The following CALCR variants were observed in gnomAD, a reference collection of about 807,000 sequenced individuals.
CALCR encodes calcitonin receptor.
In CALCR, 47 loss-of-function variants were observed where a neutral mutation model predicts 59.5. The observed-to-expected ratio is 0.79, with a 90% CI of 0.63 to 1.01. The LOEUF (loss-of-function observed/expected upper bound fraction) is 1.01, where lower values mean the gene tolerates loss of function less well. Among genes scored for constraint, CALCR ranks in the 50% least tolerant of loss-of-function variants. The pLI is 0.00. For missense variants in CALCR, 566 were observed against 597.1 expected, an observed-to-expected ratio of 0.95 and a Z score of 0.54; for synonymous variants, 213 against 211.3, an observed-to-expected ratio of 1.01 and a Z score of -0.07.
At chr7:93,431,915 A>G (rs2283004) in intron 13 of CALCR, among the ~76,000 whole-genome samples, 32,989 of 152,074 alleles carry the variant, frequency 0.22, 3,999 homozygotes, top group East Asian at 0.39. Context: ...TATAGCTGCA[A>G]TCATCTTTTT....
At chr7:93,444,313 G>A (rs762350941) in intron 8 of CALCR, among the ~76,000 whole-genome samples, 3 of 152,022 alleles carry the variant, frequency 2.0e-5, no homozygotes, top group Non-Finnish European at 2.9e-5. Flanking sequence ...GGGATCAAGC[G>A]CTCTCTGGGC....
In CALCR at chr7:93,499,226, A is replaced by T. The variant is rs532975261; in HGVS notation, c.-26-12219T>A. Among the ~76,000 whole-genome samples the T allele has an allele frequency of 2.0e-5, 3 of 151,874 alleles. No homozygotes were observed. The East Asian group carries it at 5.8e-4, about 30-fold the overall frequency. On this transcript the variant is annotated intron_variant, in intron 2 of 13. Transcript: ENST00000426151. The stretch of plus-strand genomic sequence containing the variant: ...ACATTGTAATAGAAAATAAACTAAA[A>T]CAGAATTTCCACATTGGTTTTACAA...
intron 2 of CALCR, among the ~76,000 whole-genome samples, chr7:93,542,700 TTTTA>T (rs71107895): frequency 6.6e-6 from 1 of 151,708 alleles, no homozygotes; most frequent in Admixed American, 6.6e-5. Context: ...TACAAAAATA[TTTTA>T]TTTCTTTTAT....
rs139271936 is a variant in CALCR at position 93,426,481 on chromosome 7, C to A, written c.1300G>T (p.Glu434Ter). 4 of 1,613,576 alleles carry A rather than the reference C, an allele frequency of 2.5e-6. No individual in the cohort carries two copies. In the African/African-American group the frequency reaches 4.0e-5, roughly 16 times the overall value. ...RSARAAAAAA[E>*]AGDIPIYICH... The stretch of plus-strand genomic sequence containing the variant: ...ATGTAAATTGGGATGTCGCCAGCCT[C>A]CGCAGCAGCGGCTGCAGCGCGAGCA... Residue 434 changes from glutamate to a stop codon, truncating the protein, a stop_gained, in exon 14 of 14, where the codon GAG becomes TAG. Coordinates refer to ENST00000426151, the MANE Select transcript of CALCR (RefSeq NM_001742.4). LOFTEE classifies it high-confidence loss of function.
rs1320446931 is a variant in CALCR at position 93,425,888 on chromosome 7, T to TAACA, written c.*464_*467dup. The TAACA allele has an allele frequency of 6.5e-6, 1 of 153,636 alleles. No homozygotes were observed. Among genetic ancestry groups the TAACA allele is most frequent in the East Asian group, 1.9e-4 (1 of 5,222 alleles). 9.5% of individuals were successfully genotyped at this position (153,636 alleles called of 1,614,324 possible). A position where few individuals can be genotyped will look rare whatever the true frequency, so the allele number is the denominator to read the frequency against. ...TTGTAAGGATGGTAAAACATCTCAG[T>TAACA]AACATCAGAATTGACTGAAATTTAA... On this transcript the variant is annotated 3_prime_UTR_variant, in exon 14 of 14. Coordinates refer to ENST00000426151, the MANE Select transcript of CALCR (RefSeq NM_001742.4).
chr7:93,475,183 A>G (rs1258321662), intron 5 of CALCR, among the ~76,000 whole-genome samples: 1 of 151,800 alleles, frequency 6.6e-6, no homozygotes, highest in East Asian at 1.9e-4. Context: ...CAGGTTATAG[A>G]GTTATTTGTA....
intron 5 of CALCR, 56 bp from the exon 6 acceptor site, chr7:93,472,543 A>T: frequency 2.0e-6 from 2 of 1,021,616 alleles, no homozygotes; most frequent in Non-Finnish European, 3.1e-6. Flanking sequence ...CAACAAGGAA[A>T]AATAATAAAT....
At chr7:93,463,287 A>C (rs1316923082) in intron 7 of CALCR, among the ~76,000 whole-genome samples, 1 of 151,876 alleles carries the variant, frequency 6.6e-6, no homozygotes, top group African/African-American at 2.4e-5. Context: ...TATAAAGAGT[A>C]CTGTATCTCT....
chr7:93,453,914 A>C (rs1584547482), intron 8 of CALCR, among the ~76,000 whole-genome samples: 1 of 152,102 alleles, frequency 6.6e-6, no homozygotes, highest in Non-Finnish European at 1.5e-5. Context: ...GTTTTGACAT[A>C]TAAGTAAACT....
intron 3 of CALCR, chr7:93,483,833 A>G: frequency 2.9e-6 from 1 of 348,036 alleles, no homozygotes; most frequent in Non-Finnish European, 6.3e-6. Context: ...TTAAGGGCAT[A>G]TTGTTTTTCT....
intron 2 of CALCR, among the ~76,000 whole-genome samples, chr7:93,555,085 T>A (rs1053921394): frequency 6.6e-6 from 1 of 151,988 alleles, no homozygotes; most frequent in African/African-American, 2.4e-5. Context: ...TTACAGGGAA[T>A]TGCTAGGTTC....
intron 9 of CALCR, among the ~76,000 whole-genome samples, chr7:93,443,096 G>A (rs1395871091): frequency 6.6e-6 from 1 of 152,096 alleles, no homozygotes; most frequent in Non-Finnish European, 1.5e-5. Context: ...GCTCTACTTG[G>A]AAGCCCGTGT....
chr7:93,488,494 G>T (rs540367429), intron 2 of CALCR, among the ~76,000 whole-genome samples: 1 of 146,324 alleles, frequency 6.8e-6, no homozygotes, highest in East Asian at 2.1e-4. Context: ...CCATTGATGT[G>T]CTATATTCAG....
intron 8 of CALCR, among the ~76,000 whole-genome samples, chr7:93,460,399 C>T (rs1311215908): frequency 6.7e-6 from 1 of 150,286 alleles, no homozygotes; most frequent in Non-Finnish European, 1.5e-5. Context: ...ACTAAAAATA[C>T]AAAAAAATTA....
chr7:93,571,788 AATG>A (rs1346127343), intron 2 of CALCR, among the ~76,000 whole-genome samples: 1 of 152,188 alleles, frequency 6.6e-6, no homozygotes, highest in Non-Finnish European at 1.5e-5. Context: ...TACATAAAAT[AATG>A]ATAATAGCTT....
chr7:93,515,699 A>G (rs572862460), intron 2 of CALCR, among the ~76,000 whole-genome samples: 9 of 152,114 alleles, frequency 5.9e-5, no homozygotes, highest in Admixed American at 1.3e-4. Flanking sequence ...AGTCATGACA[A>G]AGCTGTCTGT....
chr7:93,475,566 G>A lies in CALCR; in HGVS notation c.316+1992C>T, dbSNP rs748862164. Among the ~76,000 whole-genome samples the A allele has an allele frequency of 5.3e-5, 8 of 151,296 alleles. No homozygotes were observed. In the South Asian group the frequency reaches 6.2e-4, roughly 12 times the overall value. On this transcript the variant is annotated intron_variant, in intron 5 of 13. Coordinates refer to ENST00000426151, the MANE Select transcript of CALCR (RefSeq NM_001742.4). ...AGTTTTTTTTTTAAATAAAATGAATGTAATTTGGTTTCAATGAAGTTATGC... is the reference window on the plus strand; with the variant it reads ...AGTTTTTTTTTTAAATAAAATGAATATAATTTGGTTTCAATGAAGTTATGC...
chr7:93,454,916 TTGTGTGTGTGTGTGTG>T (rs4015273), intron 8 of CALCR, among the ~76,000 whole-genome samples: 1 of 145,010 alleles, frequency 6.9e-6, no homozygotes, highest in Non-Finnish European at 1.5e-5. Flanking sequence ...ACAGGGCATT[TTGTGTGTGTGTGTGTG>T]TGTGTGTGTG....
intron 2 of CALCR, among the ~76,000 whole-genome samples, chr7:93,535,169 T>C (rs1788952878): frequency 6.6e-6 from 1 of 151,726 alleles, no homozygotes; most frequent in Non-Finnish European, 1.5e-5. Flanking sequence ...TAAAACTCAC[T>C]ATTATTGAAT....
Sources: allele counts gnomAD v4.1 joint callset (sites outside exome capture counted in the v4.1 genomes callset), GRCh38; gene constraint gnomAD v4.1.1; transcripts MANE v1.5; gene names NCBI Gene and HGNC (gene_info 2026-07-23, HGNC 2026-07-21).